ZNF430: variants seen among roughly 807,000 people sequenced by gnomAD.
ZNF430 encodes zinc finger protein 430.
Under a neutral mutation model 56.7 loss-of-function variants are expected in ZNF430, and 35 were observed. That is an observed-to-expected ratio of 0.62 (90% CI 0.47 to 0.82). ZNF430 has a LOEUF of 0.82. Among genes scored for constraint, ZNF430 ranks in the 40% least tolerant of loss-of-function variants. The pLI is 0.00. For missense variants in ZNF430, 574 were observed against 661.0 expected (o/e 0.87, Z 1.44); for synonymous variants, 212 against 224.3 (o/e 0.94, Z 0.49).
intron 4 of ZNF430, 129 bp from the exon 5 acceptor site, chr19:21,056,502 A>G (rs896416905): frequency 1.5e-5 from 10 of 651,332 alleles, no homozygotes; most frequent in Non-Finnish European, 2.3e-5. Context: ...AAAAAAAAAA[A>G]TTAGGGCCTT....
chr19:21,033,564 A>G lies in ZNF430; in HGVS notation c.205A>G (p.Arg69Gly), dbSNP rs781568140. The part of the protein sequence containing the change: ...LYRKVMLENY[R>G]NLVFLAGIAV... ...TAGAAAAGTGATGTTAGAGAACTACAGAAACCTGGTCTTCTTGGGTGAGAA... is the reference window on the plus strand; with the variant it reads ...TAGAAAAGTGATGTTAGAGAACTACGGAAACCTGGTCTTCTTGGGTGAGAA... Residue 69 changes from arginine to glycine, a missense_variant, in exon 3 of 5, where the codon AGA (arginine) becomes GGA (glycine). This residue lies in a region of ZNF430 where 346 missense variants were observed against 399.1 expected (regional missense o/e 0.87). Transcript: ENST00000261560. The G allele has an allele frequency of 6.2e-7, 1 of 1,609,756 alleles. No individual in the cohort carries two copies. The highest frequency in any genetic ancestry group is 2.2e-5 in the East Asian group (1 of 44,766).
At chr19:21,048,684 A>G (rs1399081327) in intron 4 of ZNF430, among the ~76,000 whole-genome samples, 2 of 152,074 alleles carry the variant, frequency 1.3e-5, no homozygotes, top group African/African-American at 4.8e-5. Flanking sequence ...GCCCGTTCTC[A>G]ATGAGCTGTT....
intron 1 of ZNF430, 42 bp downstream of exon 1, chr19:21,020,845 T>G: frequency 1.2e-6 from 2 of 1,613,084 alleles, no homozygotes; most frequent in Non-Finnish European, 1.7e-6. Flanking sequence ...GGGGAGGGGC[T>G]GGTTGTAATG....
intron 4 of ZNF430, among the ~76,000 whole-genome samples, chr19:21,048,130 G>T: frequency 8.0e-6 from 1 of 124,648 alleles, no homozygotes; most frequent in African/African-American, 2.9e-5. Flanking sequence ...GAAGTATAAT[G>T]TAATCATCTT....
intron 4 of ZNF430, chr19:21,035,390 TTAC>T (rs1967977824): frequency 6.6e-5 from 10 of 152,286 alleles, no homozygotes; most frequent in Admixed American, 6.5e-4. Context: ...TTTTGCTAAT[TTAC>T]TGAGTGTATT....
intron 2 of ZNF430, among the ~76,000 whole-genome samples, chr19:21,031,360 G>A (rs1967898673): frequency 6.6e-6 from 1 of 152,140 alleles, no homozygotes. Flanking sequence ...ATTCATGAGA[G>A]CTAAGTGCCA....
chr19:21,046,055 C>T (rs537854304), intron 4 of ZNF430, among the ~76,000 whole-genome samples: 95 of 152,208 alleles, frequency 6.2e-4, no homozygotes, highest in South Asian at 2.5e-3. Flanking sequence ...GCCACGGTGG[C>T]TTATGCCTGT....
At chr19:21,055,442 TTTTG>T (rs1213355180) in intron 4 of ZNF430, among the ~76,000 whole-genome samples, 1 of 151,648 alleles carries the variant, frequency 6.6e-6, no homozygotes, top group Non-Finnish European at 1.5e-5. Context: ...TAGTTTTTTT[TTTTG>T]TTTGTTTTTT....
chr19:21,037,414 G>T (rs1290366665), intron 4 of ZNF430, among the ~76,000 whole-genome samples: 2 of 152,088 alleles, frequency 1.3e-5, no homozygotes, highest in African/African-American at 2.4e-5. Context: ...CACACGCTTG[G>T]CAAGATTTTG....
At chr19:21,054,774 A>G (rs547720218) in intron 4 of ZNF430, among the ~76,000 whole-genome samples, 275 of 139,966 alleles carry the variant, frequency 2.0e-3, no homozygotes, top group African/African-American at 6.8e-3. Flanking sequence ...TCCCCGGTTC[A>G]CGCCATTCTC....
At chr19:21,030,773 A>C (rs902870240) in intron 2 of ZNF430, among the ~76,000 whole-genome samples, 1 of 152,128 alleles carries the variant, frequency 6.6e-6, no homozygotes, top group African/African-American at 2.4e-5. Flanking sequence ...TTGCAGATCC[A>C]CATTACGTAG....
At chr19:21,029,292 C>T (rs1967858726) in intron 2 of ZNF430, among the ~76,000 whole-genome samples, 1 of 152,090 alleles carries the variant, frequency 6.6e-6, no homozygotes, top group South Asian at 2.1e-4. Flanking sequence ...ACTTCTGATA[C>T]CATCAGCTGA....
chr19:21,028,091 G>A (rs1475225909), intron 2 of ZNF430, among the ~76,000 whole-genome samples: 1 of 152,132 alleles, frequency 6.6e-6, no homozygotes, highest in Non-Finnish European at 1.5e-5. Flanking sequence ...ATAAGGTCTG[G>A]CCTCTTCCTG....
At chr19:21,025,167 A>C (rs1967769093) in intron 2 of ZNF430, among the ~76,000 whole-genome samples, 2 of 152,244 alleles carry the variant, frequency 1.3e-5, no homozygotes. Flanking sequence ...CTCTATAGGC[A>C]GAGCAGCCCT....
In ZNF430 at chr19:21,020,663, C is replaced by T. The variant is rs979223407; in HGVS notation, c.-138C>T. On this transcript the variant is annotated 5_prime_UTR_variant, in exon 1 of 5. Transcript: ENST00000261560. ...CGGGTTTGGCGGGGCCTTTGTCCCT[C>T]GCTGTGGCCTGAGCTCCAGGTCTCG... is the stretch of plus-strand genomic sequence containing the variant. 1 of 1,314,300 alleles carries T rather than the reference C, an allele frequency of 7.6e-7. No individual in the cohort carries two copies. Among genetic ancestry groups the T allele is most frequent in the South Asian group, 1.2e-5 (1 of 80,994 alleles). The allele number at this position is 1,314,300 out of a possible 1,614,324, so 81.4% of individuals were successfully genotyped here. A position where few individuals can be genotyped will look rare whatever the true frequency, so the allele number is the denominator to read the frequency against.
intron 4 of ZNF430, among the ~76,000 whole-genome samples, chr19:21,039,895 A>G (rs555702737): frequency 6.6e-6 from 1 of 152,246 alleles, no homozygotes; most frequent in African/African-American, 2.4e-5. Flanking sequence ...AGGCTGGAGT[A>G]TAGTGGCATA....
intron 4 of ZNF430, among the ~76,000 whole-genome samples, chr19:21,040,563 T>C (rs1008802134): frequency 2.0e-5 from 3 of 152,246 alleles, no homozygotes; most frequent in Non-Finnish European, 4.4e-5. Context: ...AAGCAGATAC[T>C]GGCACACACT....
intron 4 of ZNF430, among the ~76,000 whole-genome samples, chr19:21,052,634 G>T (rs1188891657): frequency 6.6e-6 from 1 of 152,144 alleles, no homozygotes; most frequent in East Asian, 1.9e-4. Flanking sequence ...TTTGACTTAA[G>T]ATGTAGCTTG....
At chr19:21,048,349 G>A (rs1192657438) in intron 4 of ZNF430, among the ~76,000 whole-genome samples, 2 of 150,528 alleles carry the variant, frequency 1.3e-5, no homozygotes, top group Non-Finnish European at 3.0e-5. Context: ...CAGTGTTTGT[G>A]TCCCTGGGTA....
Sources: allele counts gnomAD v4.1 joint callset (sites outside exome capture counted in the v4.1 genomes callset), GRCh38; gene constraint gnomAD v4.1.1; regional missense constraint gnomAD v4.1.1; transcripts MANE v1.5; gene names NCBI Gene and HGNC (gene_info 2026-07-23, HGNC 2026-07-21).